The following PNPLA8 variants were observed in gnomAD, a reference collection of about 807,000 sequenced individuals.
The protein encoded by PNPLA8 is calcium-independent phospholipase A2-gamma.
Under a neutral mutation model 76.9 loss-of-function variants are expected in PNPLA8, and 39 were observed. The ratio of observed to expected loss-of-function variants is 0.51; its 90% confidence interval spans 0.39 to 0.66. The LOEUF is 0.66. PNPLA8 is among the 30% of genes least tolerant of loss of function. The probability of loss-of-function intolerance (pLI) is 0.00; values close to 1 mark genes in which losing one functional copy is unlikely to be tolerated. For synonymous variants in PNPLA8, 301 were observed against 307.9 expected, an observed-to-expected ratio of 0.98 and a Z score of 0.24; for missense variants, 887 against 918.0, an observed-to-expected ratio of 0.97 and a Z score of 0.44.
At chr7:108,480,760 T>A (rs1490648961) in intron 9 of PNPLA8, 1 of 398,644 alleles carries the variant, frequency 2.5e-6, no homozygotes, top group Non-Finnish European at 5.2e-6. Flanking sequence ...GATTATACAG[T>A]AAAATTAACT....
At chr7:108,493,441 G>A (rs1035704937) in intron 7 of PNPLA8, among the ~76,000 whole-genome samples, 1 of 151,734 alleles carries the variant, frequency 6.6e-6, no homozygotes, top group African/African-American at 2.4e-5. Context: ...ACGGAGTCTC[G>A]CTCTGTCGCC....
chr7:108,515,792 G>A (rs1863297547), intron 2 of PNPLA8, among the ~76,000 whole-genome samples: 2 of 152,194 alleles, frequency 1.3e-5, no homozygotes, highest in Non-Finnish European at 2.9e-5. Context: ...GGAATAGAAT[G>A]TTTAGGGAGA....
chr7:108,521,825 C>G (rs1161799738), intron 1 of PNPLA8, among the ~76,000 whole-genome samples: 1 of 152,064 alleles, frequency 6.6e-6, no homozygotes, highest in Non-Finnish European at 1.5e-5. Flanking sequence ...AAAGATGAAC[C>G]AAACCAAAAA....
In PNPLA8 at chr7:108,510,622, C is replaced by T. The variant is rs1380871792; in HGVS notation, c.1206+3522G>A. The T allele has an allele frequency of 7.7e-6, 12 of 1,562,404 alleles. No individual in the cohort carries two copies. In the East Asian group the frequency reaches 2.7e-4, roughly 35 times the overall value. On this transcript the variant is annotated intron_variant, in intron 4 of 10. Coordinates refer to ENST00000257694, the MANE Select transcript of PNPLA8 (RefSeq NM_001256007.3). ...TGAAGCTCAACAAGGCTTCGACTAA[C>T]ATGCTGAGGATTGTAGAGCCATATA...
intron 7 of PNPLA8, among the ~76,000 whole-genome samples, chr7:108,491,759 T>C (rs1012842408): frequency 1.3e-5 from 2 of 152,174 alleles, no homozygotes; most frequent in Non-Finnish European, 2.9e-5. Flanking sequence ...GAGGAAGACA[T>C]TGAAAGACTG....
At position 108,515,008 on chromosome 7, in the gene PNPLA8, C is replaced by G; in HGVS notation, c.484G>C (p.Asp162His). The part of the protein sequence containing the change: ...QAIKSLKKYS[D>H]KSAEKSPFPE... The stretch of plus-strand genomic sequence containing the variant: ...AAAGGACTCTTTTCTGCTGATTTGT[C>G]ACTATATTTTTTCAGAGATTTGATG... The change falls in exon 3 of 11, where the codon GAC becomes CAC. Residue 162 changes from aspartate to histidine, a missense_variant. By Grantham distance (81) the Asp-to-His change is moderately conservative. Coordinates refer to ENST00000257694, the MANE Select transcript of PNPLA8 (RefSeq NM_001256007.3). 1 of 1,607,600 alleles carries G rather than the reference C, an allele frequency of 6.2e-7. No individual in the cohort carries two copies. The highest frequency in any genetic ancestry group is 8.5e-7 in the Non-Finnish European group (1 of 1,179,680).
intron 9 of PNPLA8, 22 bp downstream of exon 9, chr7:108,487,737 T>C (rs943768897): frequency 6.7e-7 from 1 of 1,491,792 alleles, no homozygotes; most frequent in South Asian, 1.2e-5. Flanking sequence ...TTTAAAAAAA[T>C]AAGACATACA....
intron 1 of PNPLA8, among the ~76,000 whole-genome samples, chr7:108,523,191 A>C (rs973958458): frequency 2.6e-5 from 4 of 152,226 alleles, no homozygotes; most frequent in African/African-American, 9.6e-5. Flanking sequence ...AGAGGAATTA[A>C]GGGAATTGTT....
intron 4 of PNPLA8, among the ~76,000 whole-genome samples, chr7:108,513,745 T>C (rs1863099149): frequency 6.6e-6 from 1 of 152,118 alleles, no homozygotes; most frequent in Non-Finnish European, 1.5e-5. Context: ...ATTCAAATTT[T>C]TAGACTTTCA....
At chr7:108,505,996 ATGC>A (rs1423529301) in intron 4 of PNPLA8, among the ~76,000 whole-genome samples, 11 of 152,190 alleles carry the variant, frequency 7.2e-5, no homozygotes, top group African/African-American at 2.4e-4. Flanking sequence ...CCTGGAAAAG[ATGC>A]TGAATATCAT....
Position 108,515,051 on chromosome 7 carries a change from C to G in PNPLA8, c.441G>C (p.Gln147His). ...ATTTGATGGCTTGTTTGATGTTTTTCTGTTTTAACCAGCCACTATCCGATA... is the reference window on the plus strand; with the variant it reads ...ATTTGATGGCTTGTTTGATGTTTTTGTGTTTTAACCAGCCACTATCCGATA... Reference protein sequence around the residue: ...RKVSDSGWLKQKNIKQAIKSL... With the variant: ...RKVSDSGWLKHKNIKQAIKSL... The change falls in exon 3 of 11, where the codon CAG becomes CAC. Residue 147 changes from glutamine (Q) to histidine (H), a missense_variant. Transcript: ENST00000257694. 1 of 1,607,770 alleles carries G rather than the reference C, an allele frequency of 6.2e-7. No individual in the cohort carries two copies. The highest frequency in any genetic ancestry group is 8.5e-7 in the Non-Finnish European group (1 of 1,179,800).
intron 9 of PNPLA8, among the ~76,000 whole-genome samples, chr7:108,487,112 C>T (rs1193135604): frequency 2.6e-5 from 4 of 151,994 alleles, no homozygotes; most frequent in African/African-American, 9.7e-5. Context: ...AAAGAATTTC[C>T]AGAAATAATA....
At chr7:108,477,795 T>G (rs562470791) in intron 10 of PNPLA8, among the ~76,000 whole-genome samples, 4 of 152,158 alleles carry the variant, frequency 2.6e-5, no homozygotes, top group African/African-American at 9.6e-5. Context: ...GCCCAGGAGT[T>G]TGAGGCTGCA....
At chr7:108,507,465 G>C (rs1862541901) in intron 4 of PNPLA8, among the ~76,000 whole-genome samples, 2 of 151,480 alleles carry the variant, frequency 1.3e-5, no homozygotes, top group South Asian at 4.2e-4. Context: ...ATCAACCTGA[G>C]CAACATGGTG....
In PNPLA8 at chr7:108,515,325, CTTA is replaced by C. The variant is rs1863255734; in HGVS notation, c.164_166del (p.Ile55del). On this transcript the variant is annotated inframe_deletion, in exon 3 of 11. Transcript: ENST00000257694. The stretch of plus-strand genomic sequence containing the variant: ...TGCTTCACTTTTGGTCCATTTACAT[CTTA>C]TTATGTTTGTATGAAAACCTCTTTG... The C allele has an allele frequency of 6.2e-7, 1 of 1,613,406 alleles. No homozygotes were observed. The highest frequency in any genetic ancestry group is 8.5e-7 in the Non-Finnish European group (1 of 1,179,730).
intron 1 of PNPLA8, 32 bp from the exon 2 acceptor site, chr7:108,521,553 A>C: frequency 2.2e-6 from 1 of 449,598 alleles, no homozygotes; most frequent in Non-Finnish European, 2.9e-6. Context: ...AATAAACGTA[A>C]TGTATAAAGT....
At chr7:108,517,997 A>G (rs906261370) in intron 2 of PNPLA8, among the ~76,000 whole-genome samples, 2 of 152,226 alleles carry the variant, frequency 1.3e-5, no homozygotes, top group Non-Finnish European at 1.5e-5. Context: ...GGAGACTGGG[A>G]AGTCCAAGAT....
intron 8 of PNPLA8, among the ~76,000 whole-genome samples, 172 bp from the exon 9 acceptor site, chr7:108,488,125 TA>T (rs1218794953): frequency 1.3e-5 from 2 of 152,204 alleles, no homozygotes; most frequent in Non-Finnish European, 2.9e-5. Flanking sequence ...CTTTGTGGGA[TA>T]ATAGATATAA....
intron 9 of PNPLA8, among the ~76,000 whole-genome samples, chr7:108,483,498 C>G (rs1249439782): frequency 6.6e-6 from 1 of 152,184 alleles, no homozygotes; most frequent in Non-Finnish European, 1.5e-5. Context: ...TAAATGGAAT[C>G]ATATAGTGTA....
Sources: gnomAD v4.1 joint callset for allele counts (sites outside exome capture counted in the v4.1 genomes callset) on GRCh38, gnomAD v4.1.1 for gene constraint, MANE v1.5 for transcripts, NCBI Gene and HGNC (gene_info 2026-07-23, HGNC 2026-07-21) for gene names.